The following NUP85 variants were observed in gnomAD, a reference collection of about 807,000 sequenced individuals.
NUP85 encodes nucleoporin 85, also known as nuclear pore complex protein Nup85.
Under a neutral mutation model 92.8 loss-of-function variants are expected in NUP85, and 23 were observed. The observed-to-expected ratio is 0.25, with a 90% CI of 0.18 to 0.35. The LOEUF (loss-of-function observed/expected upper bound fraction) is 0.35, where lower values mean the gene tolerates loss of function less well. NUP85 is among the 10% of genes least tolerant of loss of function. The pLI is 1.00. For missense variants in NUP85, 759 were observed against 822.8 expected (o/e 0.92, Z 0.95); for synonymous variants, 314 against 306.9 (o/e 1.02, Z -0.24).
At position 75,207,385 on chromosome 17, in the gene NUP85, A is replaced by T. The variant is rs909083736; in HGVS notation, c.34-1142A>T. 3.3e-5 allele frequency among the ~76,000 whole-genome samples: 5 copies of T among 151,568 alleles called. No individual in the cohort carries two copies. In the Middle Eastern group the frequency reaches 0.01, roughly 311 times the overall value. ...TTTTTAGTAGAGACGAGGTTTCTCC[A>T]TGTTGGTCAGGCTGGTCTGGAACTC... On this transcript the variant is annotated intron_variant, in intron 1 of 18. Transcript: ENST00000245544.
In NUP85 at chr17:75,212,139, A is replaced by G. The variant is rs368550586; in HGVS notation, c.361+77A>G. The G allele has an allele frequency of 2.0e-5, 20 of 996,810 alleles. No individual in the cohort carries two copies. In the East Asian group the frequency reaches 4.2e-4, roughly 21 times the overall value. The allele number at this position is 996,810 out of a possible 1,614,324, so 61.7% of individuals were successfully genotyped here. ...ATTTTGAGTATTTATCTATGCATAA[A>G]TACTGTGAGGTAAAGTTTGATTGAT... On this transcript the variant is annotated intron_variant, in intron 4 of 18. Coordinates refer to ENST00000245544, the MANE Select transcript of NUP85 (RefSeq NM_024844.5).
chr17:75,208,575 G>A lies in NUP85; in HGVS notation c.82G>A (p.Gly28Ser). The change falls in exon 2 of 19, where the codon GGT becomes AGT. Residue 28 changes from glycine to serine, a missense_variant. Physicochemically the swap from Gly to Ser is moderately conservative, Grantham distance 56. Transcript: ENST00000245544. Reference sequence around the variant, plus strand: ...GAAGAACCAAATGTATTTTGACTGGGGTCCAGGGGAGATGCTGGTATGTGA... The same window carrying A: ...GAAGAACCAAATGTATTTTGACTGGAGTCCAGGGGAGATGCTGGTATGTGA... ...SKKNQMYFDW[G>S]PGEMLVCETS... The A allele has an allele frequency of 1.9e-6, 3 of 1,610,302 alleles. No homozygotes were observed. Among genetic ancestry groups the A allele is most frequent in the Non-Finnish European group, 2.5e-6 (3 of 1,177,044 alleles).
chr17:75,234,796 T>C lies in NUP85; in HGVS notation c.1767+8T>C. On this transcript the variant is annotated splice_region_variant and intron_variant, in intron 17 of 18. Coordinates refer to ENST00000245544, the MANE Select transcript of NUP85 (RefSeq NM_024844.5). ...CTTTTGGAACAGAAACAGGTGAAGG[T>C]TGCAGCAGCAGTGGTTTTCTTTGCT... is the stretch of plus-strand genomic sequence containing the variant. The C allele has an allele frequency of 6.2e-7, 1 of 1,614,092 alleles. No individual in the cohort carries two copies. The highest frequency in any genetic ancestry group is 1.7e-5 in the Admixed American group (1 of 60,020).
Position 75,231,218 on chromosome 17 carries a change from C to T in NUP85, c.1095-122C>T. The T allele has an allele frequency of 1.1e-6, 1 of 907,772 alleles. No homozygotes were observed. Among genetic ancestry groups the T allele is most frequent in the South Asian group, 1.5e-5 (1 of 68,322 alleles). The allele number at this position is 907,772 out of a possible 1,614,324, so 56.2% of individuals were successfully genotyped here. On this transcript the variant is annotated intron_variant, in intron 11 of 18. Transcript: ENST00000245544. This position sits in a 1 kb window ranked among gnomAD's most constrained non-coding sequence, Gnocchi z 4.6. Reference sequence around the variant, plus strand: ...TACTGGGATCACGGGCATGAGCTATCATCACGCCCGGCCCCATCTCTTTGA... The same window carrying T: ...TACTGGGATCACGGGCATGAGCTATTATCACGCCCGGCCCCATCTCTTTGA...
rs765445132 is a variant in NUP85 at position 75,205,711 on chromosome 17, G to T, written c.-51G>T. On this transcript the variant is annotated 5_prime_UTR_variant, in exon 1 of 19. Coordinates refer to ENST00000245544, the MANE Select transcript of NUP85 (RefSeq NM_024844.5). ...AGCCAGCTCTGAGCGGGAGGCCTGAGCGGGAAGCATTGGCGTCCGAGCGAC... is the reference window on the plus strand; with the variant it reads ...AGCCAGCTCTGAGCGGGAGGCCTGATCGGGAAGCATTGGCGTCCGAGCGAC... 1 of 1,612,514 alleles carries T rather than the reference G, an allele frequency of 6.2e-7. No homozygotes were observed. Among genetic ancestry groups the T allele is most frequent in the East Asian group, 2.2e-5 (1 of 44,882 alleles).
chr17:75,229,615 C>T (rs759698968), intron 11 of NUP85, among the ~76,000 whole-genome samples: 1 of 152,102 alleles, frequency 6.6e-6, no homozygotes, highest in African/African-American at 2.4e-5. Context: ...TGATCTAAGA[C>T]CTAACTGTGT....
intron 14 of NUP85, 196 bp downstream of exon 14, chr17:75,232,175 A>C (rs1413154401): frequency 3.3e-6 from 2 of 608,740 alleles, no homozygotes; most frequent in African/African-American, 1.9e-5. Context: ...GATCCACTGG[A>C]ACCCAGACAA....
chr17:75,225,712 C>G lies in NUP85; in HGVS notation c.870C>G (p.Asp290Glu). Residue 290 changes from aspartate (D) to glutamate (E), a missense_variant, in exon 10 of 19, where the codon GAC (aspartate) becomes GAG (glutamate). Transcript: ENST00000245544. Reference sequence around the variant, plus strand: ...TCTCTCCTCAGATTATGCTGGGAGACGAAGCTGCCTTGTTAGAGCAGAAGG... The same window carrying G: ...TCTCTCCTCAGATTATGCTGGGAGAGGAAGCTGCCTTGTTAGAGCAGAAGG... Reference protein sequence around the residue: ...LESLLKIMLGDEAALLEQKEL... With the variant: ...LESLLKIMLGEEAALLEQKEL... 6.2e-7 allele frequency: 1 copy of G among 1,614,120 alleles called. No homozygotes were observed. The highest frequency in any genetic ancestry group is 8.5e-7 in the Non-Finnish European group (1 of 1,180,014).
intron 7 of NUP85, among the ~76,000 whole-genome samples, chr17:75,221,074 G>A (rs528523654): frequency 6.6e-6 from 1 of 152,068 alleles, no homozygotes. Context: ...TAGTAGAGAC[G>A]GGATTTCACC....
At chr17:75,232,514 C>T (rs1194158792) in intron 14 of NUP85, among the ~76,000 whole-genome samples, 1 of 152,080 alleles carries the variant, frequency 6.6e-6, no homozygotes, top group Non-Finnish European at 1.5e-5. Context: ...TGATTTGAGG[C>T]ATCTGGAGAG....
intron 7 of NUP85, among the ~76,000 whole-genome samples, chr17:75,221,381 C>A (rs1481598024): frequency 6.6e-6 from 1 of 151,400 alleles, no homozygotes; most frequent in Non-Finnish European, 1.5e-5. Context: ...TCAAGTGATC[C>A]GCCTGCCTCA....
chr17:75,217,191 C>T (rs1400507163), intron 6 of NUP85, among the ~76,000 whole-genome samples: 1 of 152,132 alleles, frequency 6.6e-6, no homozygotes, highest in Non-Finnish European at 1.5e-5. Context: ...TCCCAAGTAG[C>T]TGGGACCACA....
rs1175137589 is a variant in NUP85 at position 75,216,877 on chromosome 17, TATTTC to T, written c.475+1059_475+1063del. Among the ~76,000 whole-genome samples the T allele has an allele frequency of 2.6e-5, 4 of 152,272 alleles. No homozygotes were observed. The South Asian group carries it at 8.3e-4, about 32-fold the overall frequency. On this transcript the variant is annotated intron_variant, in intron 6 of 18. Transcript: ENST00000245544. ...GAGTGCTGGCTGTACTCTGCCATTTTATTTCATTTTATTTTTATTGATTGATTGAG... is the reference window on the plus strand; with the variant it reads ...GAGTGCTGGCTGTACTCTGCCATTTTATTTTATTTTTATTGATTGATTGAG...
rs758912465 is a variant in NUP85 at position 75,225,336 on chromosome 17, C to T, written c.733-6C>T. 1.2e-6 allele frequency: 2 copies of T among 1,614,194 alleles called. No individual in the cohort carries two copies. ...GATGACGTCTCATGGCTGGTCTCTC[C>T]CTTAGCCCGGGAACACCCAGACACT... is the stretch of plus-strand genomic sequence containing the variant. On this transcript the variant is annotated splice_polypyrimidine_tract_variant and splice_region_variant and intron_variant, in intron 8 of 18. Coordinates refer to ENST00000245544, the MANE Select transcript of NUP85 (RefSeq NM_024844.5).
chr17:75,229,103 C>G, intron 11 of NUP85: 1 of 985,472 alleles, frequency 1.0e-6, no homozygotes, highest in South Asian at 4.7e-5. Flanking sequence ...TGGTGCCCTT[C>G]AAGTCCTCCA....
Position 75,231,989 on chromosome 17 carries a change from C to A in NUP85, c.1396+10C>A, listed in dbSNP as rs747998423. Reference sequence around the variant, plus strand: ...CAGATGACTGAACAAGGTGAGCTGGCCCTGCTCCCAGCCTACTGTCTGTGG... The same window carrying A: ...CAGATGACTGAACAAGGTGAGCTGGACCTGCTCCCAGCCTACTGTCTGTGG... On this transcript the variant is annotated intron_variant, in intron 14 of 18. Transcript: ENST00000245544. This position sits in a 1 kb window ranked among gnomAD's most constrained non-coding sequence, Gnocchi z 4.6. The A allele has an allele frequency of 1.1e-4, 174 of 1,613,674 alleles. 1 individual carries two copies. The highest frequency in any genetic ancestry group is 1.5e-4 in the Non-Finnish European group (173 of 1,179,934).
At chr17:75,213,596 A>G (rs1305242573) in intron 5 of NUP85, among the ~76,000 whole-genome samples, 2 of 151,702 alleles carry the variant, frequency 1.3e-5, no homozygotes, top group Admixed American at 6.6e-5. Context: ...CTGGCCCTGA[A>G]TGTTCCGTTC....
rs145083756 is a variant in NUP85, at chr17:75,213,618, A to G, written c.405+499A>G. ...TGAATGTTCCGTTCTTATGGAACAT[A>G]TATGTCCTGACCAAATTGTGTTGAG... On this transcript the variant is annotated intron_variant, in intron 5 of 18. Transcript: ENST00000245544. 5.6e-4 allele frequency among the ~76,000 whole-genome samples: 85 copies of G among 152,064 alleles called. 2 individuals are homozygous for G. The East Asian group carries it at 7.8e-3, about 14-fold the overall frequency.
intron 14 of NUP85, 34 bp from the exon 15 acceptor site, chr17:75,232,817 G>A: frequency 1.3e-6 from 2 of 1,591,030 alleles, no homozygotes; most frequent in Non-Finnish European, 1.7e-6. Flanking sequence ...TTTGTGGAGT[G>A]AAAGCCGTTT....
Sources: gnomAD v4.1 joint callset for allele counts (sites outside exome capture counted in the v4.1 genomes callset) on GRCh38, gnomAD v4.1.1 for gene constraint, Gnocchi (gnomAD v3.1) non-coding constraint, MANE v1.5 for transcripts, NCBI Gene and HGNC (gene_info 2026-07-23, HGNC 2026-07-21) for gene names.